The following FMO2 variants were observed in gnomAD, a reference collection of about 807,000 sequenced individuals.
The protein encoded by FMO2 is flavin-containing monooxygenase 2.
A neutral mutation model predicts 41.6 loss-of-function variants in FMO2; 33 were observed. The observed-to-expected ratio is 0.79, with a 90% CI of 0.60 to 1.06. FMO2 has a LOEUF of 1.06. FMO2 is among the 50% of genes least tolerant of loss of function. The pLI is 0.00. For missense variants in FMO2, 619 were observed against 632.9 expected (o/e 0.98, Z 0.23); for synonymous variants, 214 against 219.6 (o/e 0.97, Z 0.23).
chr1:171,204,241 A>T (rs1005842342), intron 6 of FMO2, among the ~76,000 whole-genome samples, 177 bp downstream of exon 6: 1 of 152,210 alleles, frequency 6.6e-6, no homozygotes, highest in Non-Finnish European at 1.5e-5. Flanking sequence ...TGCCTTTAAA[A>T]AATACTTAAG....
intron 5 of FMO2, among the ~76,000 whole-genome samples, chr1:171,199,850 G>A (rs1278725338): frequency 6.6e-6 from 1 of 152,088 alleles, no homozygotes; most frequent in Non-Finnish European, 1.5e-5. Context: ...GAGTAGCTGG[G>A]ACTACAGGCA....
chr1:171,191,346 A>G (rs1658075951), intron 2 of FMO2, among the ~76,000 whole-genome samples: 1 of 152,136 alleles, frequency 6.6e-6, no homozygotes, highest in East Asian at 1.9e-4. Context: ...AGCCAACCAC[A>G]TTTTTAAGCC....
chr1:171,192,494 G>A (rs1318844403), intron 2 of FMO2, among the ~76,000 whole-genome samples: 2 of 152,148 alleles, frequency 1.3e-5, no homozygotes, highest in Admixed American at 6.5e-5. Flanking sequence ...AACCAAGCAT[G>A]GTGGTGCCTG....
intron 8 of FMO2, among the ~76,000 whole-genome samples, chr1:171,208,082 T>A (rs2102017402): frequency 6.6e-6 from 1 of 152,322 alleles, no homozygotes; most frequent in African/African-American, 2.4e-5. Context: ...GATGCCTATG[T>A]CAGATTCCAT....
chr1:171,203,585 G>T (rs1335988698), intron 5 of FMO2, among the ~76,000 whole-genome samples: 2 of 152,094 alleles, frequency 1.3e-5, no homozygotes, highest in Admixed American at 1.3e-4. Flanking sequence ...AACCACAACT[G>T]TAAACATGGG....
Position 171,208,848 on chromosome 1 carries a change from C to T in FMO2, c.1311C>T (p.Asp437=), listed in dbSNP as rs1286850973. ...TLQTNYVDYL[D]ELALEIGAKP... is the part of the protein sequence containing the mutation. ...AGACCAATTATGTTGACTACTTGGACGAGCTCGCCTTAGAGATAGGTGCGA... is the reference window on the plus strand; with the variant it reads ...AGACCAATTATGTTGACTACTTGGATGAGCTCGCCTTAGAGATAGGTGCGA... The change falls in exon 9 of 9, where the codon GAC becomes GAT. Residue 437 remains aspartate, a synonymous_variant. Coordinates refer to ENST00000209929, the MANE Select transcript of FMO2 (RefSeq NM_001460.5). 6.2e-6 allele frequency: 10 copies of T among 1,613,854 alleles called. No individual in the cohort carries two copies. Among genetic ancestry groups the T allele is most frequent in the African/African-American group, 2.7e-5 (2 of 74,912 alleles).
In FMO2 at chr1:171,209,244, A is replaced by T; in HGVS notation, c.*99A>T. On this transcript the variant is annotated 3_prime_UTR_variant, in exon 9 of 9. Coordinates refer to ENST00000209929, the MANE Select transcript of FMO2 (RefSeq NM_001460.5). ...AAAACATTACATTCATGTTCTAATT[A>T]TAGATTTTAGAGTTAGGTAGTACAG... 1 of 411,994 alleles carries T rather than the reference A, an allele frequency of 2.4e-6. No homozygotes were observed. Among genetic ancestry groups the T allele is most frequent in the Non-Finnish European group, 4.3e-6 (1 of 234,558 alleles). The allele number at this position is 411,994 out of a possible 1,614,324, so 25.5% of individuals were successfully genotyped here.
intron 2 of FMO2, among the ~76,000 whole-genome samples, chr1:171,192,074 AT>A (rs910080898): frequency 6.6e-6 from 1 of 151,774 alleles, no homozygotes; most frequent in African/African-American, 2.4e-5. Flanking sequence ...AAAAAATAGT[AT>A]TTTTTTCTTC....
At chr1:171,201,611 A>G (rs2102004074) in intron 5 of FMO2, among the ~76,000 whole-genome samples, 1 of 152,292 alleles carries the variant, frequency 6.6e-6, no homozygotes. Flanking sequence ...ACCCTCTACC[A>G]CAATCCAAAA....
At chr1:171,191,027 C>T (rs12567358) in intron 2 of FMO2, among the ~76,000 whole-genome samples, 1 of 151,880 alleles carries the variant, frequency 6.6e-6, no homozygotes, top group East Asian at 1.9e-4. Flanking sequence ...TACCTGTAAT[C>T]CCAGCTACTC....
At position 171,204,015 on chromosome 1, in the gene FMO2, A is replaced by G; in HGVS notation, c.778A>G (p.Met260Val). Residue 260 changes from methionine to valine, a missense_variant, in exon 6 of 9, where the codon ATG (methionine) becomes GTG (valine). Physicochemically the swap from Met to Val is conservative, Grantham distance 21. Coordinates refer to ENST00000209929, the MANE Select transcript of FMO2 (RefSeq NM_001460.5). ...TGTAAAATGGATGATAGAACAACAG[A>G]TGAATCGGTGGTTCAACCATGAAAA... ...TAVKWMIEQQ[M>V]NRWFNHENYG... 2.5e-6 allele frequency: 4 copies of G among 1,613,756 alleles called. No individual in the cohort carries two copies. The highest frequency in any genetic ancestry group is 1.7e-4 in the Middle Eastern group (1 of 6,054).
rs1308501011 is a variant in FMO2, at chr1:171,209,105, CTGT to C, written c.1575_1577del (p.Val526del). On this transcript the variant is annotated inframe_deletion, in exon 9 of 9. Coordinates refer to ENST00000209929, the MANE Select transcript of FMO2 (RefSeq NM_001460.5). ...CTGTTGAAAATCCTGGGCCTTCTTG[CTGT>C]TGTTGTGGCCTTTTTTTGCCAACTT... is the stretch of plus-strand genomic sequence containing the variant. 2.4e-6 allele frequency: 2 copies of C among 826,980 alleles called. No individual in the cohort carries two copies. The highest frequency in any genetic ancestry group is 2.7e-5 in the Admixed American group (1 of 36,844). 51.2% of individuals were successfully genotyped at this position (826,980 alleles called of 1,614,324 possible). A position where few individuals can be genotyped will look rare whatever the true frequency, so the allele number is the denominator to read the frequency against.
chr1:171,192,012 G>A (rs1658104853), intron 2 of FMO2, among the ~76,000 whole-genome samples: 1 of 151,968 alleles, frequency 6.6e-6, no homozygotes, highest in Non-Finnish European at 1.5e-5. Context: ...TCCAGCTTGG[G>A]CCACAGAGTG....
rs1291385594 is a variant in FMO2, at chr1:171,209,116, G to GC, written c.1581dup (p.Phe528LeufsTer32). On this transcript the variant is annotated frameshift_variant, in exon 9 of 9. Transcript: ENST00000209929. LOFTEE classifies it high-confidence loss of function. ...CCTGGGCCTTCTTGCTGTTGTTGTG[G>GC]CCTTTTTTTGCCAACTTCAATGGTC... is the stretch of plus-strand genomic sequence containing the variant. 1 of 692,274 alleles carries GC rather than the reference G, an allele frequency of 1.4e-6. No individual in the cohort carries two copies. The highest frequency in any genetic ancestry group is 2.8e-5 in the East Asian group (1 of 36,354). 42.9% of individuals were successfully genotyped at this position (692,274 alleles called of 1,614,324 possible).
At chr1:171,197,990 A>G (rs1658370155) in intron 4 of FMO2, among the ~76,000 whole-genome samples, 1 of 152,228 alleles carries the variant, frequency 6.6e-6, no homozygotes, top group Non-Finnish European at 1.5e-5. Flanking sequence ...ATATTTTGTT[A>G]AAAACAATAG....
chr1:171,199,587 ACTAGTTGG>A, intron 5 of FMO2, 99 bp downstream of exon 5: 1 of 1,189,908 alleles, frequency 8.4e-7, no homozygotes, highest in Non-Finnish European at 1.2e-6. Context: ...ATCCTCATTA[ACTAGTTGG>A]TTGGTAGCGC....
Position 171,201,950 on chromosome 1 carries a change from G to C in FMO2, c.628-1915G>C, listed in dbSNP as rs758709860. ...CTCCACCTGGTCCTGCCCTTGACAC[G>C]TGGGGATTATTATAATTTAAGGTGA... On this transcript the variant is annotated intron_variant, in intron 5 of 8. Coordinates refer to ENST00000209929, the MANE Select transcript of FMO2 (RefSeq NM_001460.5). Among the ~76,000 whole-genome samples the C allele has an allele frequency of 2.0e-5, 3 of 152,116 alleles. No homozygotes were observed. In the East Asian group the frequency reaches 5.8e-4, roughly 29 times the overall value.
intron 2 of FMO2, among the ~76,000 whole-genome samples, chr1:171,189,428 C>A (rs1322035303): frequency 6.6e-6 from 1 of 151,986 alleles, no homozygotes; most frequent in Non-Finnish European, 1.5e-5. Context: ...TGAGTGTATA[C>A]CTTTTAGCTT....
At position 171,196,645 on chromosome 1, in the gene FMO2, C is replaced by G. The variant is rs917752693; in HGVS notation, c.322-4C>G. The G allele has an allele frequency of 6.2e-7, 1 of 1,610,264 alleles. No homozygotes were observed. Among genetic ancestry groups the G allele is most frequent in the African/African-American group, 1.4e-5 (1 of 73,438 alleles). ...CAATGATGCCTTCTCTGTGTTTCTTCAAGACAACTGTCCTTAGTGTGAGAA... is the reference window on the plus strand; with the variant it reads ...CAATGATGCCTTCTCTGTGTTTCTTGAAGACAACTGTCCTTAGTGTGAGAA... On this transcript the variant is annotated splice_polypyrimidine_tract_variant and splice_region_variant and intron_variant, in intron 3 of 8. Coordinates refer to ENST00000209929, the MANE Select transcript of FMO2 (RefSeq NM_001460.5).
Sources: allele counts gnomAD v4.1 joint callset (sites outside exome capture counted in the v4.1 genomes callset), GRCh38; gene constraint gnomAD v4.1.1; transcripts MANE v1.5; gene names NCBI Gene and HGNC (gene_info 2026-07-23, HGNC 2026-07-21).